Variants in PLXNB3 observed in about 807,000 individuals in gnomAD.
PLXNB3 encodes plexin-B3.
Under a neutral mutation model 125.7 loss-of-function variants are expected in PLXNB3, and 80 were observed. That is an observed-to-expected ratio of 0.64 (90% CI 0.53 to 0.77). The LOEUF (loss-of-function observed/expected upper bound fraction) is 0.77, where lower values mean the gene tolerates loss of function less well. PLXNB3 is among the 30% of genes least tolerant of loss of function. PLXNB3 has a pLI of 0.00. For missense variants in PLXNB3, 1,836 were observed against 1,729.3 expected (o/e 1.06, Z -1.09); for synonymous variants, 954 against 783.3 (o/e 1.22, Z -3.64).
intron 6 of PLXNB3, 150 bp from the exon 7 acceptor site, chrX:153,769,657 C>T (rs1557060814): frequency 9.7e-6 from 6 of 616,074 alleles, no homozygotes; most frequent in South Asian, 3.1e-5. Context: ...GCCTGCTTGG[C>T]CCCTTTCTCT....
chrX:153,766,843 C>T (rs1557059361), intron 2 of PLXNB3, 30 bp from the exon 3 acceptor site: 1 of 1,157,371 alleles, frequency 8.6e-7, no homozygotes, highest in Non-Finnish European at 1.1e-6. Flanking sequence ...GCCTTGCGCT[C>T]CCACTGCCCT....
In PLXNB3 at chrX:153,770,841, G is replaced by A. The variant is rs145207517; in HGVS notation, c.2094G>A (p.Glu698=). 11 of 1,208,487 alleles carry A rather than the reference G, an allele frequency of 9.1e-6. No homozygotes were observed. The highest frequency in any genetic ancestry group is 2.2e-5 in the Admixed American group (1 of 46,010). The change falls in exon 11 of 36, where the codon GAG becomes GAA. Residue 698 remains glutamate, a synonymous_variant. Coordinates refer to ENST00000361971, the MANE Select transcript of PLXNB3 (RefSeq NM_005393.3). ...CCCACCTGGTGCCTGTGGGCTGGGA[G>A]AGCCATTTGGCCCTACGCGTGCGGA... is the stretch of plus-strand genomic sequence containing the variant. ...AGPHLVPVGW[E]SHLALRVRNL...
rs1557061777 is a variant in PLXNB3, at chrX:153,771,331, C to G, written c.2275C>G (p.Arg759Gly). 2 of 1,208,925 alleles carry G rather than the reference C, an allele frequency of 1.7e-6. No homozygotes were observed. The highest frequency in any genetic ancestry group is 1.8e-5 in the South Asian group (1 of 56,994). ...ACAGTTTTATCCCTCCATGTCCCAGCGGGAGCTCCCAGTGCCCATCTACGT... is the reference window on the plus strand; with the variant it reads ...ACAGTTTTATCCCTCCATGTCCCAGGGGGAGCTCCCAGTGCCCATCTACGT... ...AHQFYPSMSQ[R>G]ELPVPIYVTQ... Residue 759 changes from arginine (R) to glycine (G), a missense_variant, in exon 13 of 36, where the codon CGG (arginine) becomes GGG (glycine). Coordinates refer to ENST00000361971, the MANE Select transcript of PLXNB3 (RefSeq NM_005393.3).
In PLXNB3 at chrX:153,767,501, G is replaced by A; in HGVS notation, c.674G>A (p.Gly225Asp). ...SSEGLGRLVVGDFSDYNNSYV... is the reference protein window; with the variant it reads ...SSEGLGRLVVDDFSDYNNSYV... ...GAGGGCCTGGGCCGCCTGGTGGTGG[G>A]CGACTTCTCCGACTACAACAACAGC... The change falls in exon 3 of 36, where the codon GGC (glycine) becomes GAC (aspartate). Residue 225 changes from glycine (G) to aspartate (D), a missense_variant. Physicochemically the swap from Gly to Asp is moderately conservative, Grantham distance 94. Coordinates refer to ENST00000361971, the MANE Select transcript of PLXNB3 (RefSeq NM_005393.3). The A allele has an allele frequency of 1.7e-6, 2 of 1,184,924 alleles. No individual in the cohort carries two copies. Among genetic ancestry groups the A allele is most frequent in the African/African-American group, 1.7e-5 (1 of 57,262 alleles).
chrX:153,774,904 T>A lies in PLXNB3; in HGVS notation c.3956T>A (p.Leu1319His), dbSNP rs1557063470. Residue 1319 changes from leucine (L) to histidine (H), a missense_variant, in exon 24 of 36, where the codon CTC becomes CAC. Transcript: ENST00000361971. ...GACCTCATGACGGAGATGACCGACC[T>A]CAGCAGCGACCTGGAGGGCAGCGGG... Reference protein sequence around the residue: ...FTDLMTEMTDLSSDLEGSGIP... With the variant: ...FTDLMTEMTDHSSDLEGSGIP... 1 of 1,192,362 alleles carries A rather than the reference T, an allele frequency of 8.4e-7. No homozygotes were observed.
Position 153,771,884 on chromosome X carries a change from C to T in PLXNB3, c.2538C>T (p.Pro846=), listed in dbSNP as rs2091934671. Residue 846 remains proline, a synonymous_variant, in exon 15 of 36, where the codon CCC becomes CCT. Transcript: ENST00000361971. ...SIDAVEPLTG[P]PEGGLALTIL... The stretch of plus-strand genomic sequence containing the variant: ...TGCAGGTCGAGCCCCTGACCGGTCC[C>T]CCTGAGGGAGGCTTGGCCCTCACCA... 8.3e-7 allele frequency: 1 copy of T among 1,208,152 alleles called. No homozygotes were observed. The highest frequency in any genetic ancestry group is 1.7e-5 in the African/African-American group (1 of 57,646).
rs1456977632 is a variant in PLXNB3, at chrX:153,765,477, G to C, written c.-59G>C. ...CTGTCTCCCTCCCACTCAGGACAAT[G>C]CCCCCCCGCAGCCATCTCATGCCCA... On this transcript the variant is annotated 5_prime_UTR_variant, in exon 2 of 36. The change abolishes an upstream ATG in the 5' untranslated region. Transcript: ENST00000361971. 1 of 1,147,806 alleles carries C rather than the reference G, an allele frequency of 8.7e-7. No individual in the cohort carries two copies. Among genetic ancestry groups the C allele is most frequent in the Non-Finnish European group, 1.2e-6 (1 of 855,715 alleles). The allele number at this position is 1,147,806 out of a possible 1,213,427, so 94.6% of individuals were successfully genotyped here.
chrX:153,772,963 C>T lies in PLXNB3; in HGVS notation c.2853C>T (p.His951=). ...CCCAGCTCACCATCCGAGGTCAGCA[C>T]CTCCAGACAGGTGGCAACACCAGTG... is the stretch of plus-strand genomic sequence containing the variant. ...GGTQLTIRGQ[H]LQTGGNTSAF... Residue 951 remains histidine (H), a synonymous_variant, in exon 17 of 36, where the codon CAC becomes CAT. Transcript: ENST00000361971. The T allele has an allele frequency of 1.7e-6, 2 of 1,199,383 alleles. No homozygotes were observed.
intron 2 of PLXNB3, chrX:153,766,111 G>T: frequency 9.3e-7 from 1 of 1,073,855 alleles, no homozygotes; most frequent in Non-Finnish European, 1.2e-6. Context: ...AGGCCTCCCC[G>T]CACCCCTGAA....
rs1557060865 is a variant in PLXNB3, at chrX:153,769,737, AG to A, written c.1497-68del. On this transcript the variant is annotated intron_variant, in intron 6 of 35. Transcript: ENST00000361971. ...GCACTCCAGCTGGGCCGGCCTCCCCAGGCCCCTGTTGCCGGTCATCCTTGGA... is the reference window on the plus strand; with the variant it reads ...GCACTCCAGCTGGGCCGGCCTCCCCAGCCCCTGTTGCCGGTCATCCTTGGA... The A allele has an allele frequency of 8.2e-6, 9 of 1,099,704 alleles. No individual in the cohort carries two copies. The African/African-American group carries it at 1.6e-4, about 20-fold the overall frequency. The allele number at this position is 1,099,704 out of a possible 1,213,427, so 90.6% of individuals were successfully genotyped here.
chrX:153,778,648 A>G lies in PLXNB3; in HGVS notation c.5599A>G (p.Asn1867Asp). Reference sequence around the variant, plus strand: ...TCTGGAGGCTCTGCAAGAACTCTACAACCACATCCACAGGTACTATGATCA... The same window carrying G: ...TCTGGAGGCTCTGCAAGAACTCTACGACCACATCCACAGGTACTATGATCA... The part of the protein sequence containing the change: ...HCLEALQELY[N>D]HIHRYYDQII... Residue 1867 changes from asparagine (N) to aspartate (D), a missense_variant, in exon 35 of 36, where the codon AAC becomes GAC. Coordinates refer to ENST00000361971, the MANE Select transcript of PLXNB3 (RefSeq NM_005393.3). The G allele has an allele frequency of 8.3e-7, 1 of 1,205,250 alleles. No homozygotes were observed. Among genetic ancestry groups the G allele is most frequent in the East Asian group, 3.0e-5 (1 of 33,705 alleles).
intron 7 of PLXNB3, 75 bp from the exon 8 acceptor site, chrX:153,770,017 C>G (rs1182909706): frequency 4.2e-6 from 5 of 1,186,923 alleles, no homozygotes; most frequent in Non-Finnish European, 5.7e-6. Flanking sequence ...GCCTCCCGTC[C>G]TCCTTCCTCT....
Position 153,777,217 on chromosome X carries a change from C to T in PLXNB3, c.4937C>T (p.Thr1646Met), listed in dbSNP as rs782023871. The change falls in exon 30 of 36, where the codon ACG becomes ATG. Residue 1646 changes from threonine (T) to methionine (M), a missense_variant. Physicochemically the swap from Thr to Met is moderately conservative, Grantham distance 81. Transcript: ENST00000361971. Reference sequence around the variant, plus strand: ...GCTCCTGTGCCCTCAGACATACCCACGCTGGAGGATGGCGAGGAGGGGGGG... The same window carrying T: ...GCTCCTGTGCCCTCAGACATACCCATGCTGGAGGATGGCGAGGAGGGGGGG... ...QRCPLGENIP[T>M]LEDGEEGGVC... 9 of 1,152,079 alleles carry T rather than the reference C, an allele frequency of 7.8e-6. No homozygotes were observed. In the Admixed American group the frequency reaches 1.0e-4, roughly 13 times the overall value. 94.9% of individuals were successfully genotyped at this position (1,152,079 alleles called of 1,213,427 possible).
chrX:153,775,834 C>A, intron 26 of PLXNB3, 53 bp from the exon 27 acceptor site: 2 of 1,148,091 alleles, frequency 1.7e-6, no homozygotes, highest in Non-Finnish European at 1.2e-6. Flanking sequence ...GCGAGAAGGG[C>A]TATCATCAAT....
intron 30 of PLXNB3, 46 bp from the exon 31 acceptor site, chrX:153,777,481 GC>G: frequency 8.4e-7 from 1 of 1,192,567 alleles, no homozygotes; most frequent in Non-Finnish European, 1.1e-6. Context: ...GCCGTGGATG[GC>G]CCCCACACCC....
At chrX:153,769,702 GCACCCCACT>G in intron 6 of PLXNB3, 96 bp from the exon 7 acceptor site, 1 of 848,154 alleles carries the variant, frequency 1.2e-6, no homozygotes, top group East Asian at 3.5e-5. Flanking sequence ...CCTGCTCATT[GCACCCCACT>G]GCACTCCAGC....
At chrX:153,772,643 G>T (rs1176747388) in intron 16 of PLXNB3, 1 of 944,516 alleles carries the variant, frequency 1.1e-6, no homozygotes, top group Non-Finnish European at 1.4e-6. Flanking sequence ...CTGTCCCAAG[G>T]GGGACAGAGT....
chrX:153,777,324 C>T lies in PLXNB3; in HGVS notation c.5044C>T (p.Pro1682Ser), dbSNP rs1557064796. ...VRCSSLRERE[P>S]ARAKAIPEIY... ...GTGCAGCAGCCTGCGGGAGCGCGAG[C>T]CAGCAAGGGCCAAGGCCATTCCGGA... The change falls in exon 30 of 36, where the codon CCA becomes TCA. Residue 1682 changes from proline (P) to serine (S), a missense_variant. Pro to Ser is a moderately conservative substitution (Grantham distance 74). Transcript: ENST00000361971. The T allele has an allele frequency of 7.5e-6, 9 of 1,207,011 alleles. No homozygotes were observed. Among genetic ancestry groups the T allele is most frequent in the Non-Finnish European group, 1.0e-5 (9 of 892,391 alleles).
intron 28 of PLXNB3, 97 bp from the exon 29 acceptor site, chrX:153,776,790 C>A: frequency 2.6e-6 from 1 of 379,238 alleles, no homozygotes. Flanking sequence ...CAGGGCAGGG[C>A]GGGTCTGGGG....
Sources: allele counts gnomAD v4.1 joint callset, GRCh38; gene constraint gnomAD v4.1.1; transcripts MANE v1.5; gene names NCBI Gene and HGNC (gene_info 2026-07-23, HGNC 2026-07-21).